LRP1B: variants seen among roughly 807,000 people sequenced by gnomAD.
The protein encoded by LRP1B is low-density lipoprotein receptor-related protein 1B.
In LRP1B, 217 loss-of-function variants were observed where a neutral mutation model predicts 556.6. That is an observed-to-expected ratio of 0.39 (90% CI 0.35 to 0.44). LRP1B has a LOEUF of 0.44. Among genes scored for constraint, LRP1B ranks in the 20% least tolerant of loss-of-function variants. The pLI, the probability that LRP1B is intolerant of heterozygous loss-of-function variation, is 1.00. For synonymous variants in LRP1B, 2,047 were observed against 1,865.8 expected, an observed-to-expected ratio of 1.10 and a Z score of -2.50; for missense variants, 5,053 against 5,620.8, an observed-to-expected ratio of 0.90 and a Z score of 3.23.
At position 141,120,422 on chromosome 2, in the gene LRP1B, CATT is replaced by C. The variant is rs1472285176; in HGVS notation, c.1014-58152_1014-58150del. 5.3e-5 allele frequency among the ~76,000 whole-genome samples: 8 copies of C among 151,842 alleles called. No homozygotes were observed. In the East Asian group the frequency reaches 1.5e-3, roughly 29 times the overall value. On this transcript the variant is annotated intron_variant, in intron 7 of 90. Coordinates refer to ENST00000389484, the MANE Select transcript of LRP1B (RefSeq NM_018557.3). ...GTTTACTCCTCTCTAAAATGGGTAT[CATT>C]ATGTTGAAGAATACAAAATTGACAA...
At chr2:141,174,940 T>C (rs1399951513) in intron 7 of LRP1B, among the ~76,000 whole-genome samples, 3 of 152,074 alleles carry the variant, frequency 2.0e-5, no homozygotes, top group African/African-American at 7.2e-5. Flanking sequence ...ATTAGGAACT[T>C]ACTGGGAACT....
At chr2:140,290,919 C>T (rs879224165) in intron 84 of LRP1B, among the ~76,000 whole-genome samples, 1 of 151,956 alleles carries the variant, frequency 6.6e-6, no homozygotes, top group South Asian at 2.1e-4. Flanking sequence ...AGCTGTGGTT[C>T]CTATGCTCTC....
chr2:141,790,754 A>T (rs1395086346), intron 2 of LRP1B, among the ~76,000 whole-genome samples: 2 of 152,106 alleles, frequency 1.3e-5, no homozygotes, highest in South Asian at 4.1e-4. Flanking sequence ...AAATGATTCT[A>T]GAAATTTTAA....
At chr2:141,435,165 AC>A (rs1334624273) in intron 3 of LRP1B, among the ~76,000 whole-genome samples, 1 of 152,056 alleles carries the variant, frequency 6.6e-6, no homozygotes, top group Non-Finnish European at 1.5e-5. Context: ...AGGAGAGTCA[AC>A]CCTGGGTCAA....
At chr2:140,750,991 C>CTTTTTTT (rs562658619) in intron 35 of LRP1B, among the ~76,000 whole-genome samples, 1 of 98,098 alleles carries the variant, frequency 1.0e-5, no homozygotes. Flanking sequence ...CTTTTTTTTT[C>CTTTTTTT]TTTTTTTTTT....
At chr2:140,977,917 A>T (rs148593703) in intron 18 of LRP1B, among the ~76,000 whole-genome samples, 12 of 152,194 alleles carry the variant, frequency 7.9e-5, no homozygotes, top group African/African-American at 2.7e-4. Flanking sequence ...TAATTATTTT[A>T]TTGACAACTT....
chr2:140,509,081 C>A (rs868364971), intron 52 of LRP1B, among the ~76,000 whole-genome samples: 13 of 72,108 alleles, frequency 1.8e-4, no homozygotes, highest in South Asian at 6.4e-4. Flanking sequence ...CACACACACA[C>A]AAACACACAC....
intron 14 of LRP1B, among the ~76,000 whole-genome samples, chr2:141,005,794 A>T (rs1277220626): frequency 2.0e-5 from 3 of 152,022 alleles, no homozygotes; most frequent in Non-Finnish European, 4.4e-5. Context: ...TTTGGAAAGT[A>T]GACCACTGGC....
chr2:141,471,433 G>A (rs994782323), intron 3 of LRP1B, among the ~76,000 whole-genome samples: 1 of 151,976 alleles, frequency 6.6e-6, no homozygotes, highest in Non-Finnish European at 1.5e-5. Flanking sequence ...AAGTATGTAT[G>A]CTTCAACCTT....
At chr2:140,391,498 T>G (rs967832203) in intron 66 of LRP1B, among the ~76,000 whole-genome samples, 5 of 76,944 alleles carry the variant, frequency 6.5e-5, no homozygotes, top group Admixed American at 1.2e-4. Context: ...TCAAACGGAA[T>G]AAGAGCTGTG....
At chr2:141,752,264 T>C (rs940535132) in intron 2 of LRP1B, among the ~76,000 whole-genome samples, 2 of 152,138 alleles carry the variant, frequency 1.3e-5, no homozygotes, top group Non-Finnish European at 2.9e-5. Flanking sequence ...ACGGAGAATT[T>C]TAAATGGGCA....
In LRP1B at chr2:140,501,697, A is replaced by C. The variant is rs1377096131; in HGVS notation, c.8840T>G (p.Val2947Gly). The change falls in exon 55 of 91, where the codon GTC (valine) becomes GGC (glycine). Residue 2947 changes from valine (V) to glycine (G), a missense_variant. Around this residue, in one of 5 missense-constraint regions of LRP1B, gnomAD observed 3,619 missense variants for 3,931.9 expected, o/e 0.92. Coordinates refer to ENST00000389484, the MANE Select transcript of LRP1B (RefSeq NM_018557.3). ...GCSQDCQDLP[V>G]SYKCKCWPGF... ...TTGATGAGTACCTACCTTATAACTG[A>C]CCGGAAGGTCTTGACAGTCTTGAGA... is the stretch of plus-strand genomic sequence containing the variant. The C allele has an allele frequency of 4.5e-5, 73 of 1,609,512 alleles. No homozygotes were observed. The highest frequency in any genetic ancestry group is 6.2e-5 in the Non-Finnish European group (73 of 1,177,460).
At chr2:141,125,844 CAAA>C (rs386391362) in intron 7 of LRP1B, among the ~76,000 whole-genome samples, 2 of 102,180 alleles carry the variant, frequency 2.0e-5, no homozygotes, top group African/African-American at 4.0e-5. Flanking sequence ...CTTTCAAATG[CAAA>C]AAAAAAAAAA....
At chr2:141,620,312 G>A (rs1007326557) in intron 2 of LRP1B, among the ~76,000 whole-genome samples, 1 of 152,160 alleles carries the variant, frequency 6.6e-6, no homozygotes, top group Non-Finnish European at 1.5e-5. Context: ...TAGCAGATAG[G>A]CAATTTGTGA....
At chr2:140,568,974 C>T (rs965172623) in intron 43 of LRP1B, among the ~76,000 whole-genome samples, 4 of 151,956 alleles carry the variant, frequency 2.6e-5, no homozygotes, top group Non-Finnish European at 5.9e-5. Flanking sequence ...ACCAACCTTA[C>T]AAGAAATGCT....
chr2:141,572,079 A>T (rs891296034), intron 2 of LRP1B, among the ~76,000 whole-genome samples: 2 of 152,128 alleles, frequency 1.3e-5, no homozygotes, highest in African/African-American at 4.8e-5. Context: ...AAATGCAGAG[A>T]ACACCATTAA....
At chr2:140,373,169 TA>T (rs779873840) in intron 68 of LRP1B, 32 bp from the exon 69 acceptor site, 227 of 1,601,814 alleles carry the variant, frequency 1.4e-4, no homozygotes, top group Non-Finnish European at 1.8e-4. Flanking sequence ...TAATCAAAAT[TA>T]AAATTTTAGA....
chr2:140,756,288 T>C (rs1007107402), intron 35 of LRP1B, among the ~76,000 whole-genome samples: 8 of 152,008 alleles, frequency 5.3e-5, no homozygotes, highest in Non-Finnish European at 1.0e-4. Flanking sequence ...TCACAATCTC[T>C]CTCAAAATCT....
intron 1 of LRP1B, among the ~76,000 whole-genome samples, chr2:141,889,039 C>G (rs1188098844): frequency 1.3e-5 from 2 of 152,042 alleles, no homozygotes; most frequent in Non-Finnish European, 2.9e-5. Context: ...CAGAATAGAG[C>G]CTCTCTCAGC....
Sources: allele counts gnomAD v4.1 joint callset (sites outside exome capture counted in the v4.1 genomes callset), GRCh38; gene constraint gnomAD v4.1.1; regional missense constraint gnomAD v4.1.1; transcripts MANE v1.5; gene names NCBI Gene and HGNC (gene_info 2026-07-23, HGNC 2026-07-21).